Variants in NHSL2 observed in about 807,000 individuals in gnomAD.
NHSL2 encodes NHS-like protein 2.
Under a neutral mutation model 53.4 loss-of-function variants are expected in NHSL2, and 27 were observed. The observed-to-expected ratio is 0.51, with a 90% CI of 0.37 to 0.70. The LOEUF (loss-of-function observed/expected upper bound fraction) is 0.70, where lower values mean the gene tolerates loss of function less well. Among genes scored for constraint, NHSL2 ranks in the 30% least tolerant of loss-of-function variants. The pLI is 0.00. For missense variants in NHSL2, 892 were observed against 980.1 expected (o/e 0.91, Z 1.20); for synonymous variants, 408 against 404.1 (o/e 1.01, Z -0.12).
intron 1 of NHSL2, among the ~76,000 whole-genome samples, chrX:71,978,976 T>C (rs1228510006): frequency 1.1e-4 from 11 of 98,119 alleles, no homozygotes; most frequent in African/African-American, 4.2e-4. Context: ...GTGTTCTCAT[T>C]GTTCAGTTCC....
intron 2 of NHSL2, among the ~76,000 whole-genome samples, chrX:72,132,931 G>A (rs759327413): frequency 8.9e-6 from 1 of 111,787 alleles, no homozygotes; most frequent in Admixed American, 9.4e-5. Flanking sequence ...CTCTAATGGC[G>A]AATAGAAAAC....
intron 1 of NHSL2, among the ~76,000 whole-genome samples, chrX:71,962,432 C>T (rs777789668): frequency 4.5e-5 from 5 of 111,328 alleles, no homozygotes; most frequent in Admixed American, 1.9e-4. Context: ...GTGTAGCCAT[C>T]TGATCTTGGA....
intron 1 of NHSL2, among the ~76,000 whole-genome samples, chrX:72,033,834 A>G (rs964063953): frequency 9.0e-6 from 1 of 111,444 alleles, no homozygotes; most frequent in African/African-American, 3.3e-5. Flanking sequence ...GTCGTCTGCA[A>G]ATAGGGACAG....
At chrX:72,124,820 G>A (rs369084443) in intron 1 of NHSL2, among the ~76,000 whole-genome samples, 60 of 111,942 alleles carry the variant, frequency 5.4e-4, no homozygotes, top group African/African-American at 1.9e-3. Context: ...TTCCTCCATC[G>A]CTCAGCCCAG....
At chrX:71,956,373 T>A (rs1377754555) in intron 1 of NHSL2, among the ~76,000 whole-genome samples, 1 of 111,397 alleles carries the variant, frequency 9.0e-6, no homozygotes, top group Non-Finnish European at 1.9e-5. Context: ...TGTTGATGGG[T>A]TATTCTTATG....
At chrX:72,012,947 A>C (rs1278037725) in intron 1 of NHSL2, among the ~76,000 whole-genome samples, 1 of 112,448 alleles carries the variant, frequency 8.9e-6, no homozygotes, top group Non-Finnish European at 1.9e-5. Context: ...TAGCTACATA[A>C]TAAGTCCTGA....
rs759998485 is a variant in NHSL2 at position 72,135,896 on chromosome X, C to T, written c.760+1192C>T. ...CCAAAAATACAAAAAAATAGCCAGG[C>T]GTGGTGGCGCACACCTGTGGCCCTA... On this transcript the variant is annotated intron_variant, in intron 4 of 7. Transcript: ENST00000633930. Among the ~76,000 whole-genome samples the T allele has an allele frequency of 3.6e-3, 405 of 111,134 alleles. 4 individuals carry two copies. The highest frequency in any genetic ancestry group is 0.013 in the African/African-American group (391 of 30,521).
chrX:72,137,262 C>T lies in NHSL2; in HGVS notation c.892+37C>T, dbSNP rs963127158. The stretch of plus-strand genomic sequence containing the variant: ...ACAGCTGATTCCCCAGTCCCTTCCC[C>T]TTACCCACTCCTGCCAATCCTGCCA... On this transcript the variant is annotated intron_variant, in intron 5 of 7. Transcript: ENST00000633930. 6.3e-6 allele frequency: 7 copies of T among 1,119,251 alleles called. No individual in the cohort carries two copies. The East Asian group carries it at 9.9e-5, about 16-fold the overall frequency. The allele number at this position is 1,119,251 out of a possible 1,213,427, so 92.2% of individuals were successfully genotyped here.
intron 1 of NHSL2, among the ~76,000 whole-genome samples, chrX:72,059,282 C>A (rs1343982919): frequency 9.0e-6 from 1 of 111,034 alleles, no homozygotes; most frequent in East Asian, 2.8e-4. Context: ...CCTTCCAGAG[C>A]CTCCTAACTG....
chrX:72,073,676 T>C (rs1387035115), intron 1 of NHSL2, among the ~76,000 whole-genome samples: 1 of 112,331 alleles, frequency 8.9e-6, no homozygotes, highest in Non-Finnish European at 1.9e-5. Flanking sequence ...ACTGAGACAC[T>C]AAGGGAGAGC....
rs184179234 is a variant in NHSL2, at chrX:72,024,810, T to C, written c.281-107269T>C. 1.1e-4 allele frequency among the ~76,000 whole-genome samples: 12 copies of C among 112,448 alleles called. No homozygotes were observed. The East Asian group carries it at 3.3e-3, about 31-fold the overall frequency. On this transcript the variant is annotated intron_variant, in intron 1 of 7. Transcript: ENST00000633930. ...GACCCACTGCTTGATCGTGTTATATTGAAGGTGTTAATCAAGAAGCACATA... is the reference window on the plus strand; with the variant it reads ...GACCCACTGCTTGATCGTGTTATATCGAAGGTGTTAATCAAGAAGCACATA...
At chrX:72,129,571 T>C in intron 1 of NHSL2, 1 of 346,670 alleles carries the variant, frequency 2.9e-6, no homozygotes, top group Non-Finnish European at 5.0e-6. Context: ...GCTCTCCAGC[T>C]CGTGGCCGGA....
chrX:72,136,678 G>C (rs767985942), intron 4 of NHSL2, among the ~76,000 whole-genome samples: 2 of 111,689 alleles, frequency 1.8e-5, no homozygotes, highest in African/African-American at 6.5e-5. Context: ...GCAGCATCTA[G>C]TCCCAGTCCG....
chrX:72,010,802 C>T (rs1164842768), intron 1 of NHSL2, among the ~76,000 whole-genome samples: 1 of 111,937 alleles, frequency 8.9e-6, no homozygotes, highest in Admixed American at 9.4e-5. Flanking sequence ...TCAATAATCA[C>T]TTCTTGCAAA....
At position 72,147,481 on chromosome X, in the gene NHSL2, A is replaced by C. The variant is rs992646997; in HGVS notation, c.*3907A>C. ...CTCCCTATCTCTTGTTGCACCAAAT[A>C]TTTTATTGCTACCTATTTTTCCATT... On this transcript the variant is annotated 3_prime_UTR_variant, in exon 8 of 8. Coordinates refer to ENST00000633930, the MANE Select transcript of NHSL2 (RefSeq NM_001013627.3). 8.9e-6 allele frequency: 1 copy of C among 112,455 alleles called. No individual in the cohort carries two copies. Among genetic ancestry groups the C allele is most frequent in the African/African-American group, 3.2e-5 (1 of 30,937 alleles). The allele number at this position is 112,455 out of a possible 1,213,427, so 9.3% of individuals were successfully genotyped here. A position where few individuals can be genotyped will look rare whatever the true frequency, so the allele number is the denominator to read the frequency against.
chrX:72,045,961 A>G (rs975607227), intron 1 of NHSL2, among the ~76,000 whole-genome samples: 1 of 111,738 alleles, frequency 8.9e-6, no homozygotes, highest in Non-Finnish European at 1.9e-5. Flanking sequence ...CCCTTCATAG[A>G]CAGGTATAAA....
At chrX:71,980,865 GC>G (rs998208350) in intron 1 of NHSL2, among the ~76,000 whole-genome samples, 1 of 111,770 alleles carries the variant, frequency 8.9e-6, no homozygotes, top group African/African-American at 3.3e-5. Context: ...ATATGTGAGT[GC>G]CTGATAGAGA....
intron 1 of NHSL2, among the ~76,000 whole-genome samples, chrX:71,988,239 GT>G (rs1459018110): frequency 9.0e-6 from 1 of 111,551 alleles, no homozygotes; most frequent in Non-Finnish European, 1.9e-5. Flanking sequence ...TTTTTTGAAG[GT>G]TTTGTTTGTC....
intron 1 of NHSL2, among the ~76,000 whole-genome samples, chrX:71,969,319 C>CTTTTTTTTTTTTTT (rs760980869): frequency 4.9e-5 from 3 of 60,922 alleles, no homozygotes; most frequent in African/African-American, 1.1e-4. Context: ...TTTTTTTTTT[C>CTTTTTTTTTTTTTT]TTTTTTTTTT....
Sources: allele counts gnomAD v4.1 joint callset (sites outside exome capture counted in the v4.1 genomes callset), GRCh38; gene constraint gnomAD v4.1.1; transcripts MANE v1.5; gene names NCBI Gene and HGNC (gene_info 2026-07-23, HGNC 2026-07-21).